The following LRRTM4 variants were observed in gnomAD, a reference collection of about 807,000 sequenced individuals.
The protein encoded by LRRTM4 is leucine-rich repeat transmembrane neuronal protein 4.
LRRTM4 carries 25 observed loss-of-function variants against 47.6 expected under a neutral mutation model. The observed-to-expected ratio is 0.53, with a 90% CI of 0.38 to 0.73. The LOEUF is 0.73. Among genes scored for constraint, LRRTM4 ranks in the 30% least tolerant of loss-of-function variants. The probability of loss-of-function intolerance (pLI) is 0.00; values close to 1 mark genes in which losing one functional copy is unlikely to be tolerated. For synonymous variants in LRRTM4, 311 were observed against 269.5 expected (o/e 1.15, Z -1.51); for missense variants, 638 against 713.4 (o/e 0.89, Z 1.20).
At chr2:76,853,837 A>G (rs1253241877) in intron 3 of LRRTM4, among the ~76,000 whole-genome samples, 1 of 152,170 alleles carries the variant, frequency 6.6e-6, no homozygotes, top group African/African-American at 2.4e-5. Flanking sequence ...ACTACAGTAG[A>G]TCCTACATCC....
intron 3 of LRRTM4, among the ~76,000 whole-genome samples, chr2:77,480,831 GAGAGAGA>G (rs1182962678): frequency 0.16 from 8,689 of 52,772 alleles, 315 homozygotes; most frequent in Middle Eastern, 0.26. Context: ...TGGAGAGAGA[GAGAGAGA>G]GAGAGAGAGA....
intron 3 of LRRTM4, among the ~76,000 whole-genome samples, chr2:77,070,150 A>G (rs72807208): frequency 0.013 from 1,970 of 152,242 alleles, 37 homozygotes; most frequent in East Asian, 0.058. Context: ...GCAAAAATAT[A>G]TCCGAGTTTG....
At chr2:77,001,567 C>T (rs761829603) in intron 3 of LRRTM4, among the ~76,000 whole-genome samples, 3 of 152,082 alleles carry the variant, frequency 2.0e-5, no homozygotes, top group African/African-American at 4.8e-5. Flanking sequence ...CAATAAACAG[C>T]GCAAAATCAA....
At chr2:77,056,033 A>C (rs1406178005) in intron 3 of LRRTM4, among the ~76,000 whole-genome samples, 2 of 110,880 alleles carry the variant, frequency 1.8e-5, no homozygotes, top group Non-Finnish European at 3.4e-5. Flanking sequence ...CACTCTGGGG[A>C]CTGTTGTGGG....
intron 3 of LRRTM4, among the ~76,000 whole-genome samples, chr2:76,789,734 G>A (rs765550175): frequency 2.4e-4 from 36 of 152,100 alleles, no homozygotes; most frequent in Admixed American, 2.2e-3. Context: ...CCAAATTCCA[G>A]GTTTTCAAGC....
chr2:77,117,270 T>C (rs1473649439), intron 3 of LRRTM4, among the ~76,000 whole-genome samples: 1 of 151,978 alleles, frequency 6.6e-6, no homozygotes, highest in African/African-American at 2.4e-5. Flanking sequence ...AAAAGGAAAA[T>C]AGAAAATAGT....
chr2:76,849,522 GAAT>G lies in LRRTM4; in HGVS notation c.1552-100609_1552-100607del, dbSNP rs539829475. Among the ~76,000 whole-genome samples, 18 of 151,488 alleles carry G rather than the reference GAAT, an allele frequency of 1.2e-4. 1 individual carries two copies. The South Asian group carries it at 3.4e-3, about 28-fold the overall frequency. On this transcript the variant is annotated intron_variant, in intron 3 of 3. Transcript: ENST00000409884. Reference sequence around the variant, plus strand: ...AATTTTATATATTAAATAACTATAAGAATAATGATGGGAAAAAGACTTCATCAA... The same window carrying G: ...AATTTTATATATTAAATAACTATAAGAATGATGGGAAAAAGACTTCATCAA...
chr2:77,360,776 G>C (rs548113201), intron 3 of LRRTM4, among the ~76,000 whole-genome samples: 46 of 152,046 alleles, frequency 3.0e-4, no homozygotes, highest in African/African-American at 1.1e-3. Context: ...AAATCAGGAA[G>C]GTTAATTTTT....
At chr2:77,198,020 T>C (rs1177046510) in intron 3 of LRRTM4, among the ~76,000 whole-genome samples, 1 of 152,170 alleles carries the variant, frequency 6.6e-6, no homozygotes, top group Non-Finnish European at 1.5e-5. Context: ...TAAATATGAA[T>C]ATCAGTTAGG....
chr2:77,109,845 G>T (rs79488306), intron 3 of LRRTM4, among the ~76,000 whole-genome samples: 1 of 151,680 alleles, frequency 6.6e-6, no homozygotes, highest in Non-Finnish European at 1.5e-5. Flanking sequence ...AGAACATTTA[G>T]AACTGAAAAA....
chr2:77,086,630 A>G (rs1320245697), intron 3 of LRRTM4, among the ~76,000 whole-genome samples: 1 of 151,680 alleles, frequency 6.6e-6, no homozygotes, highest in Non-Finnish European at 1.5e-5. Flanking sequence ...GCAGCCCAGC[A>G]CCATGCCTGA....
At chr2:76,793,987 G>C (rs1472128198) in intron 3 of LRRTM4, among the ~76,000 whole-genome samples, 1 of 152,180 alleles carries the variant, frequency 6.6e-6, no homozygotes, top group African/African-American at 2.4e-5. Flanking sequence ...ACATTTTGGA[G>C]AATATTTTTC....
At chr2:76,789,858 C>T (rs1674878235) in intron 3 of LRRTM4, among the ~76,000 whole-genome samples, 1 of 152,056 alleles carries the variant, frequency 6.6e-6, no homozygotes, top group African/African-American at 2.4e-5. Flanking sequence ...GTCTTTTTTA[C>T]TTTAGGGAAA....
intron 3 of LRRTM4, among the ~76,000 whole-genome samples, chr2:76,875,330 T>G (rs547440421): frequency 5.3e-5 from 8 of 152,108 alleles, no homozygotes; most frequent in Non-Finnish European, 1.0e-4. Flanking sequence ...CTCCATAATT[T>G]CTCCTTCCTT....
intron 3 of LRRTM4, among the ~76,000 whole-genome samples, chr2:77,018,790 G>T (rs1239543803): frequency 2.5e-5 from 2 of 80,444 alleles, no homozygotes; most frequent in Non-Finnish European, 4.4e-5. Flanking sequence ...TTGATGAAGT[G>T]TAACTTGCAC....
At chr2:76,864,643 A>G (rs192979821) in intron 3 of LRRTM4, among the ~76,000 whole-genome samples, 1 of 151,288 alleles carries the variant, frequency 6.6e-6, no homozygotes, top group East Asian at 1.9e-4. Flanking sequence ...CTGGGCAACA[A>G]GAGTGAAACT....
At chr2:76,962,397 C>T (rs907188203) in intron 3 of LRRTM4, among the ~76,000 whole-genome samples, 8 of 150,942 alleles carry the variant, frequency 5.3e-5, no homozygotes, top group African/African-American at 1.9e-4. Context: ...TTTTCTCATG[C>T]CTCAATTTTT....
intron 3 of LRRTM4, among the ~76,000 whole-genome samples, chr2:76,791,428 TGATTTATCA>T (rs1176687303): frequency 6.6e-6 from 1 of 152,192 alleles, no homozygotes; most frequent in Non-Finnish European, 1.5e-5. Flanking sequence ...AATTATGAGA[TGATTTATCA>T]GAGAATTTAG....
At chr2:76,794,314 G>A (rs1675140839) in intron 3 of LRRTM4, among the ~76,000 whole-genome samples, 2 of 152,200 alleles carry the variant, frequency 1.3e-5, no homozygotes, top group South Asian at 4.1e-4. Context: ...GCATTAGTAT[G>A]AAAGGAAGTT....
Sources: gnomAD v4.1 joint callset for allele counts (sites outside exome capture counted in the v4.1 genomes callset) on GRCh38, gnomAD v4.1.1 for gene constraint, MANE v1.5 for transcripts, NCBI Gene and HGNC (gene_info 2026-07-23, HGNC 2026-07-21) for gene names.